FLT1: variants seen among roughly 807,000 people sequenced by gnomAD.
FLT1 encodes the protein vascular endothelial growth factor receptor 1.
In FLT1, 49 loss-of-function variants were observed where a neutral mutation model predicts 156.3. That is an observed-to-expected ratio of 0.31 (90% CI 0.25 to 0.40). FLT1 has a LOEUF of 0.40. FLT1 is among the 10% of genes least tolerant of loss of function. FLT1 has a pLI of 1.00. For synonymous variants in FLT1, 594 were observed against 583.8 expected (o/e 1.02, Z -0.25); for missense variants, 1,322 against 1,637.2 (o/e 0.81, Z 3.32).
chr13:28,400,966 C>T (rs1875395136), intron 11 of FLT1, among the ~76,000 whole-genome samples: 1 of 152,178 alleles, frequency 6.6e-6, no homozygotes, highest in Non-Finnish European at 1.5e-5. Flanking sequence ...CGGCTCAGGC[C>T]TGTAATCCCA....
At chr13:28,449,589 G>C (rs1878811273) in intron 3 of FLT1, among the ~76,000 whole-genome samples, 1 of 152,282 alleles carries the variant, frequency 6.6e-6, no homozygotes, top group African/African-American at 2.4e-5. Context: ...TCAGTTGCTA[G>C]TTTCTGCCAT....
chr13:28,386,753 A>G (rs1874389981), intron 13 of FLT1: 1 of 1,054,206 alleles, frequency 9.5e-7, no homozygotes, highest in African/African-American at 1.6e-5. Flanking sequence ...CCCCAAACAT[A>G]TCAGTGAAAC....
intron 1 of FLT1, among the ~76,000 whole-genome samples, chr13:28,482,237 G>C (rs1176203839): frequency 6.6e-6 from 1 of 152,140 alleles, no homozygotes; most frequent in Non-Finnish European, 1.5e-5. Flanking sequence ...GTGGGAGTTT[G>C]AGACCAGCCT....
chr13:28,466,685 C>A (rs775245223), intron 3 of FLT1: 4 of 641,748 alleles, frequency 6.2e-6, no homozygotes, highest in African/African-American at 1.8e-5. Context: ...CTATACAGAC[C>A]AGTCTCTCTC....
chr13:28,405,962 T>A (rs2137493416), intron 10 of FLT1, 68 bp from the exon 11 acceptor site: 4 of 828,186 alleles, frequency 4.8e-6, no homozygotes. Context: ...ACAGGTGAAA[T>A]GAAAACTTGG....
At chr13:28,360,932 A>G (rs1459970924) in intron 14 of FLT1, among the ~76,000 whole-genome samples, 1 of 152,210 alleles carries the variant, frequency 6.6e-6, no homozygotes. Flanking sequence ...TTAATATTAA[A>G]ACATCACACT....
At chr13:28,466,139 G>A (rs1879836903) in intron 3 of FLT1, among the ~76,000 whole-genome samples, 1 of 152,034 alleles carries the variant, frequency 6.6e-6, no homozygotes, top group African/African-American at 2.4e-5. Flanking sequence ...GAAAGTGACA[G>A]GCCATTTTTA....
chr13:28,430,029 T>C (rs1412954048), intron 8 of FLT1, 21 bp downstream of exon 8: 6 of 1,458,440 alleles, frequency 4.1e-6, no homozygotes, highest in East Asian at 2.3e-5. Flanking sequence ...TAAACTGTTA[T>C]GGAAATAAGG....
intron 10 of FLT1, among the ~76,000 whole-genome samples, chr13:28,413,714 C>A (rs1347417803): frequency 1.3e-5 from 2 of 152,098 alleles, no homozygotes; most frequent in African/African-American, 4.8e-5. Context: ...TTTAAGCTAT[C>A]ATTATATTTT....
At chr13:28,436,379 T>C (rs1471963900) in intron 4 of FLT1, among the ~76,000 whole-genome samples, 1 of 152,250 alleles carries the variant, frequency 6.6e-6, no homozygotes, top group Non-Finnish European at 1.5e-5. Flanking sequence ...TAACTTCATG[T>C]CAGCAGAAAT....
At chr13:28,422,272 G>A (rs547205167) in intron 10 of FLT1, among the ~76,000 whole-genome samples, 1 of 151,008 alleles carries the variant, frequency 6.6e-6, no homozygotes, top group East Asian at 1.9e-4. Context: ...AGCTTATAAA[G>A]AAAACGAGTT....
At chr13:28,366,822 C>A (rs1873313843) in intron 14 of FLT1, among the ~76,000 whole-genome samples, 4 of 152,142 alleles carry the variant, frequency 2.6e-5, no homozygotes, top group African/African-American at 9.7e-5. Flanking sequence ...CCTGCATCAC[C>A]CTGTGAATGC....
chr13:28,359,219 C>T (rs535953722), intron 14 of FLT1, among the ~76,000 whole-genome samples: 1 of 152,234 alleles, frequency 6.6e-6, no homozygotes, highest in East Asian at 1.9e-4. Context: ...GGCAAGGGCC[C>T]AGAAATCAAC....
intron 9 of FLT1, 28 bp downstream of exon 9, chr13:28,427,724 C>A: frequency 1.2e-6 from 2 of 1,605,026 alleles, no homozygotes; most frequent in East Asian, 2.2e-5. Context: ...CTACCAGAAC[C>A]AGAAGAAAGT....
At chr13:28,339,332 G>A (rs1489178541) in intron 16 of FLT1, 32 bp from the exon 17 acceptor site, 1 of 1,608,126 alleles carries the variant, frequency 6.2e-7, no homozygotes, top group African/African-American at 1.3e-5. Context: ...AAGTCATCGA[G>A]AAGAAAACAA....
intron 29 of FLT1, among the ~76,000 whole-genome samples, chr13:28,304,326 TA>T (rs1190411312): frequency 1.3e-5 from 2 of 152,172 alleles, no homozygotes; most frequent in Non-Finnish European, 2.9e-5. Context: ...TCAATTCTAA[TA>T]CCACTGTGCT....
intron 14 of FLT1, among the ~76,000 whole-genome samples, chr13:28,369,624 T>G (rs1873461977): frequency 6.6e-6 from 1 of 152,210 alleles, no homozygotes; most frequent in South Asian, 2.1e-4. Flanking sequence ...GGTTTCTTCT[T>G]TATTGAGAAT....
intron 14 of FLT1, among the ~76,000 whole-genome samples, chr13:28,360,447 C>A (rs768010295): frequency 2.0e-5 from 3 of 152,122 alleles, no homozygotes; most frequent in Non-Finnish European, 4.4e-5. Context: ...ATGTGTCCAT[C>A]AATGGATGAA....
chr13:28,333,200 T>C (rs1225354375), intron 18 of FLT1, among the ~76,000 whole-genome samples: 1 of 152,222 alleles, frequency 6.6e-6, no homozygotes, highest in Non-Finnish European at 1.5e-5. Flanking sequence ...ACCCGTGTAG[T>C]TGGACTCACA....
Sources: allele counts gnomAD v4.1 joint callset (sites outside exome capture counted in the v4.1 genomes callset), GRCh38; gene constraint gnomAD v4.1.1; transcripts MANE v1.5; gene names NCBI Gene and HGNC (gene_info 2026-07-23, HGNC 2026-07-21).